The following LAMA2 variants were observed in gnomAD, a reference collection of about 807,000 sequenced individuals.
The protein encoded by LAMA2 is laminin subunit alpha 2.
LAMA2 carries 269 observed loss-of-function variants against 364.8 expected under a neutral mutation model. The observed-to-expected ratio is 0.74, with a 90% CI of 0.67 to 0.82. LAMA2 has a LOEUF of 0.82. Among genes scored for constraint, LAMA2 ranks in the 40% least tolerant of loss-of-function variants. LAMA2 has a pLI of 0.00. For missense variants in LAMA2, 3,807 were observed against 3,873.2 expected (o/e 0.98, Z 0.45); for synonymous variants, 1,379 against 1,370.6 (o/e 1.01, Z -0.14).
At chr6:129,293,530 G>A (rs1207820581) in intron 20 of LAMA2, among the ~76,000 whole-genome samples, 1 of 152,206 alleles carries the variant, frequency 6.6e-6, no homozygotes, top group Non-Finnish European at 1.5e-5. Flanking sequence ...TTGTGCTTAT[G>A]TGTACAACAA....
intron 4 of LAMA2, among the ~76,000 whole-genome samples, chr6:129,099,787 A>C (rs772417670): frequency 6.6e-6 from 1 of 152,198 alleles, no homozygotes; most frequent in African/African-American, 2.4e-5. Flanking sequence ...CAAAAATACC[A>C]GTTTTGGGGA....
intron 56 of LAMA2, among the ~76,000 whole-genome samples, chr6:129,488,727 C>T (rs1784718091): frequency 6.6e-6 from 1 of 152,198 alleles, no homozygotes; most frequent in African/African-American, 2.4e-5. Flanking sequence ...ACCATAATGG[C>T]TCATTCGGCA....
intron 1 of LAMA2, among the ~76,000 whole-genome samples, chr6:128,996,006 G>T (rs1325825121): frequency 6.6e-6 from 1 of 151,976 alleles, no homozygotes; most frequent in East Asian, 1.9e-4. Flanking sequence ...GTATCAACAT[G>T]ACAAAACATA....
At chr6:129,046,807 A>G (rs1035337536) in intron 1 of LAMA2, among the ~76,000 whole-genome samples, 12 of 152,118 alleles carry the variant, frequency 7.9e-5, no homozygotes, top group African/African-American at 2.7e-4. Context: ...TCTGCCTGAT[A>G]TGTTTGTTTT....
chr6:129,511,297 C>T (rs373482942), intron 62 of LAMA2, among the ~76,000 whole-genome samples: 2 of 152,084 alleles, frequency 1.3e-5, no homozygotes, highest in Admixed American at 6.5e-5. Context: ...TGTCCTCAGC[C>T]GAACTTCCTC....
chr6:128,931,004 T>C (rs1387940372), intron 1 of LAMA2, among the ~76,000 whole-genome samples: 2 of 152,104 alleles, frequency 1.3e-5, no homozygotes, highest in Admixed American at 6.5e-5. Context: ...CAAATGCCAG[T>C]ATCTCTATGA....
At chr6:129,115,841 A>C (rs2114909323) in intron 4 of LAMA2, among the ~76,000 whole-genome samples, 1 of 152,290 alleles carries the variant, frequency 6.6e-6, no homozygotes, top group South Asian at 2.1e-4. Flanking sequence ...TGGTTGTATT[A>C]AATGAGATAA....
At chr6:128,962,185 TAC>T (rs1554335791) in intron 1 of LAMA2, among the ~76,000 whole-genome samples, 67 of 103,902 alleles carry the variant, frequency 6.4e-4, no homozygotes, top group South Asian at 2.3e-3. Flanking sequence ...TATATATATA[TAC>T]ACACATACAC....
intron 45 of LAMA2, among the ~76,000 whole-genome samples, chr6:129,447,760 G>A (rs533095702): frequency 6.6e-6 from 1 of 152,280 alleles, no homozygotes; most frequent in South Asian, 2.1e-4. Flanking sequence ...AAAGAAGAAC[G>A]TGATGTACCA....
chr6:129,403,910 A>C lies in LAMA2; in HGVS notation c.5816A>C (p.Glu1939Ala). The C allele has an allele frequency of 6.2e-7, 1 of 1,614,000 alleles. No homozygotes were observed. Among genetic ancestry groups the C allele is most frequent in the Non-Finnish European group, 8.5e-7 (1 of 1,179,902 alleles). The change falls in exon 40 of 65, where the codon GAG (glutamate) becomes GCG (alanine). Residue 1939 changes from glutamate to alanine, a missense_variant. Around this residue, in one of 3 missense-constraint regions of LAMA2, gnomAD observed 3,333 missense variants for 3,345.7 expected, o/e 1.00. Transcript: ENST00000421865. ...ATTAAGGACTATATTGATGAAGCTG[A>C]GAAAGTTGCCAAAGAAGCCAAAGAT... ...SNIKDYIDEA[E>A]KVAKEAKDLA...
At chr6:129,389,309 C>T (rs957292042) in intron 35 of LAMA2, among the ~76,000 whole-genome samples, 1 of 152,184 alleles carries the variant, frequency 6.6e-6, no homozygotes. Flanking sequence ...ATGAAAATAT[C>T]ATAGATTTTG....
chr6:129,072,544 A>T (rs1351833770), intron 3 of LAMA2, among the ~76,000 whole-genome samples: 1 of 152,172 alleles, frequency 6.6e-6, no homozygotes, highest in Admixed American at 6.5e-5. Flanking sequence ...TAATTCATTT[A>T]CATTTAGTGT....
intron 7 of LAMA2, 29 bp downstream of exon 7, chr6:129,149,125 G>C (rs1267563293): frequency 7.6e-7 from 1 of 1,316,988 alleles, no homozygotes; most frequent in South Asian, 1.2e-5. Flanking sequence ...AACAAAATAT[G>C]TCATTCTTCC....
intron 1 of LAMA2, among the ~76,000 whole-genome samples, chr6:128,940,947 T>TC (rs561305634): frequency 2.1e-3 from 319 of 151,960 alleles, no homozygotes; most frequent in African/African-American, 7.1e-3. Flanking sequence ...CAAGAGCCTG[T>TC]CCCCCCCAAA....
intron 1 of LAMA2, among the ~76,000 whole-genome samples, chr6:129,044,895 G>A (rs772875079): frequency 2.6e-5 from 4 of 152,060 alleles, no homozygotes; most frequent in Non-Finnish European, 5.9e-5. Flanking sequence ...TCTTAACCAA[G>A]TAACACATAT....
intron 35 of LAMA2, 152 bp from the exon 36 acceptor site, chr6:129,391,339 G>A: frequency 1.4e-6 from 1 of 727,252 alleles, no homozygotes; most frequent in East Asian, 2.5e-5. Flanking sequence ...GTTACTGATT[G>A]TTGTCTTAAC....
rs759047978 is a variant in LAMA2 at position 129,200,240 on chromosome 6, A to ATG, written c.1782+7391_1782+7392dup. On this transcript the variant is annotated intron_variant, in intron 12 of 64. Coordinates refer to ENST00000421865, the MANE Select transcript of LAMA2 (RefSeq NM_000426.4). Reference sequence around the variant, plus strand: ...TATATATATACGTGTACACATATACATGTGTATATATATACGTGTACACAT... The same window carrying ATG: ...TATATATATACGTGTACACATATACATGTGTGTATATATATACGTGTACACAT... Among the ~76,000 whole-genome samples, 214 of 109,230 alleles carry ATG rather than the reference A, an allele frequency of 2.0e-3. 18 individuals are homozygous for ATG. Among genetic ancestry groups the ATG allele is most frequent in the African/African-American group, 0.012 (197 of 16,760 alleles). 71.7% of individuals were successfully genotyped at this position (109,230 alleles called of 152,430 possible). A position where few individuals can be genotyped will look rare whatever the true frequency, so the allele number is the denominator to read the frequency against.
chr6:129,443,966 A>C (rs550558672), intron 44 of LAMA2, among the ~76,000 whole-genome samples: 16 of 152,298 alleles, frequency 1.1e-4, no homozygotes, highest in African/African-American at 3.4e-4. Flanking sequence ...AAGATGGAAA[A>C]ATTAATGAAT....
intron 12 of LAMA2, among the ~76,000 whole-genome samples, chr6:129,198,416 C>T (rs1781976332): frequency 6.6e-6 from 1 of 151,998 alleles, no homozygotes; most frequent in African/African-American, 2.4e-5. Context: ...TTTTTTCAAT[C>T]AGTTAAGTTT....
Sources: gnomAD v4.1 joint callset for allele counts (sites outside exome capture counted in the v4.1 genomes callset) on GRCh38, gnomAD v4.1.1 for gene constraint, gnomAD v4.1.1 regional missense constraint, MANE v1.5 for transcripts, NCBI Gene and HGNC (gene_info 2026-07-23, HGNC 2026-07-21) for gene names.